FKBP4: variants seen among roughly 807,000 people sequenced by gnomAD.
The protein encoded by FKBP4 is peptidyl-prolyl cis-trans isomerase FKBP4.
A neutral mutation model predicts 54.1 loss-of-function variants in FKBP4; 28 were observed. The observed-to-expected ratio is 0.52, with a 90% CI of 0.38 to 0.71. The LOEUF (loss-of-function observed/expected upper bound fraction) is 0.71. Ranked by LOEUF, FKBP4 falls within the 30% of genes least tolerant of loss-of-function variation. The probability of loss-of-function intolerance (pLI) is 0.00; values close to 1 mark genes in which losing one functional copy is unlikely to be tolerated. For missense variants in FKBP4, 493 were observed against 574.4 expected (o/e 0.86, Z 1.45); for synonymous variants, 223 against 216.1 (o/e 1.03, Z -0.28).
chr12:2,802,726 TTC>T (rs1234478768), intron 9 of FKBP4, among the ~76,000 whole-genome samples: 1 of 152,090 alleles, frequency 6.6e-6, no homozygotes. Context: ...TATACAAGTG[TTC>T]TGTTTTGTTT....
At position 2,803,118 on chromosome 12, in the gene FKBP4, A is replaced by G. The variant is rs780505091; in HGVS notation, c.1273-33A>G. On this transcript the variant is annotated intron_variant, in intron 9 of 9. Transcript: ENST00000001008. Reference sequence around the variant, plus strand: ...TAAGTGTGTGTTTTTTCACTTGGGAAGTCAGCCCGTTTGCTGTTCATCTTC... The same window carrying G: ...TAAGTGTGTGTTTTTTCACTTGGGAGGTCAGCCCGTTTGCTGTTCATCTTC... 1.2e-5 allele frequency: 18 copies of G among 1,462,888 alleles called. 1 individual carries two copies. 90.6% of individuals were successfully genotyped at this position (1,462,888 alleles called of 1,614,324 possible). A position where few individuals can be genotyped will look rare whatever the true frequency, so the allele number is the denominator to read the frequency against.
chr12:2,795,153 A>T lies in FKBP4; in HGVS notation c.14A>T (p.Glu5Val). 1 of 1,309,978 alleles carries T rather than the reference A, an allele frequency of 7.6e-7. No individual in the cohort carries two copies. 81.1% of individuals were successfully genotyped at this position (1,309,978 alleles called of 1,614,324 possible). Residue 5 changes from glutamate to valine, a missense_variant, in exon 1 of 10, where the codon GAG (glutamate) becomes GTG (valine). Glu to Val is a moderately radical substitution (Grantham distance 121). Coordinates refer to ENST00000001008, the MANE Select transcript of FKBP4 (RefSeq NM_002014.4). This position sits in a 1 kb window ranked among gnomAD's most constrained non-coding sequence, Gnocchi z 4.3. ...CGCCGCGCGGAGATGACAGCCGAGG[A>T]GATGAAGGCGACCGAGAGCGGGGCG... is the stretch of plus-strand genomic sequence containing the variant. The part of the protein sequence containing the change: MTAE[E>V]MKATESGAQS...
Position 2,795,969 on chromosome 12 carries a change from T to C in FKBP4, c.105+725T>C. ...GCCTCCCGGAGCCAGGGCTGCGGGG[T>C]GTGGGGCGGGGAGGAGGCGCTCTGC... On this transcript the variant is annotated intron_variant, in intron 1 of 9. Transcript: ENST00000001008. The surrounding 1 kb of genome is among the most constrained non-coding windows in gnomAD (Gnocchi z 4.3). 3.7e-5 allele frequency: 39 copies of C among 1,061,934 alleles called. No individual in the cohort carries two copies. Among genetic ancestry groups the C allele is most frequent in the Non-Finnish European group, 4.5e-5 (39 of 873,388 alleles). The allele number at this position is 1,061,934 out of a possible 1,614,324, so 65.8% of individuals were successfully genotyped here. A position where few individuals can be genotyped will look rare whatever the true frequency, so the allele number is the denominator to read the frequency against.
intron 9 of FKBP4, 92 bp downstream of exon 9, chr12:2,801,448 T>C: frequency 6.4e-7 from 1 of 1,569,436 alleles, no homozygotes; most frequent in Admixed American, 1.7e-5. Flanking sequence ...TCTGTGCCAA[T>C]CCCGGAAACC....
At chr12:2,799,318 C>A in intron 5 of FKBP4, 74 bp downstream of exon 5, 4 of 1,423,292 alleles carry the variant, frequency 2.8e-6, no homozygotes, top group African/African-American at 1.4e-5. Flanking sequence ...ATTGTAGAAC[C>A]AGCTGTTTGT....
chr12:2,798,525 G>C lies in FKBP4; in HGVS notation c.394-181G>C, dbSNP rs1246186344. Among the ~76,000 whole-genome samples, 1 of 152,178 alleles carries C rather than the reference G, an allele frequency of 6.6e-6. No individual in the cohort carries two copies. The highest frequency in any genetic ancestry group is 1.5e-5 in the Non-Finnish European group (1 of 68,042). ...ATGTAGTCTGCCCACCTCTACCAAA[G>C]TTGAGATTAGGGCAGCTCCCAAGAA... On this transcript the variant is annotated intron_variant, in intron 3 of 9. Coordinates refer to ENST00000001008, the MANE Select transcript of FKBP4 (RefSeq NM_002014.4). This position sits in a 1 kb window ranked among gnomAD's most constrained non-coding sequence, Gnocchi z 4.3.
In FKBP4 at chr12:2,795,003, C is replaced by A; in HGVS notation, c.-137C>A. ...AGCTCTCGCGCCGCGTGCAGAGGTG[C>A]TCAAGCCTCCTCGCGGTCCGCAGTC... On this transcript the variant is annotated 5_prime_UTR_variant, in exon 1 of 10. Coordinates refer to ENST00000001008, the MANE Select transcript of FKBP4 (RefSeq NM_002014.4). This position sits in a 1 kb window ranked among gnomAD's most constrained non-coding sequence, Gnocchi z 4.3. 1 of 387,568 alleles carries A rather than the reference C, an allele frequency of 2.6e-6. No homozygotes were observed. Among genetic ancestry groups the A allele is most frequent in the Non-Finnish European group, 4.3e-6 (1 of 233,196 alleles). The allele number at this position is 387,568 out of a possible 1,614,324, so 24.0% of individuals were successfully genotyped here.
In FKBP4 at chr12:2,803,303, C is replaced by A. The variant is rs1803818; in HGVS notation, c.*45C>A. The stretch of plus-strand genomic sequence containing the variant: ...CTCCTGCGGCTGCCTGCCCCCCAGT[C>A]TCCCCACTCCACCCTGTTAGTTTTG... On this transcript the variant is annotated 3_prime_UTR_variant, in exon 10 of 10. Coordinates refer to ENST00000001008, the MANE Select transcript of FKBP4 (RefSeq NM_002014.4). The A allele has an allele frequency of 1.5e-6, 2 of 1,305,334 alleles. No homozygotes were observed. The highest frequency in any genetic ancestry group is 2.1e-6 in the Non-Finnish European group (2 of 931,292). The allele number at this position is 1,305,334 out of a possible 1,614,324, so 80.9% of individuals were successfully genotyped here.
In FKBP4 at chr12:2,795,439, C is replaced by T. The variant is rs1311057905; in HGVS notation, c.105+195C>T. ...GTTTAAGGCACCGAGGCCGGCCATGCGCTCGGCAGGGGGGCGGCCTAGGTG... is the reference window on the plus strand; with the variant it reads ...GTTTAAGGCACCGAGGCCGGCCATGTGCTCGGCAGGGGGGCGGCCTAGGTG... On this transcript the variant is annotated intron_variant, in intron 1 of 9. Coordinates refer to ENST00000001008, the MANE Select transcript of FKBP4 (RefSeq NM_002014.4). This position sits in a 1 kb window ranked among gnomAD's most constrained non-coding sequence, Gnocchi z 4.3. Among the ~76,000 whole-genome samples the T allele has an allele frequency of 6.8e-6, 1 of 147,614 alleles. No homozygotes were observed. Among genetic ancestry groups the T allele is most frequent in the Non-Finnish European group, 1.5e-5 (1 of 66,182 alleles).
chr12:2,801,592 TTA>T (rs1565398161), intron 9 of FKBP4: 6 of 622,668 alleles, frequency 9.6e-6, no homozygotes, highest in South Asian at 4.8e-5. Context: ...AATTCCCGAT[TTA>T]TGTTTTCTTG....
rs750276362 is a variant in FKBP4, at chr12:2,798,878, G to A, written c.514+52G>A. On this transcript the variant is annotated intron_variant, in intron 4 of 9. Coordinates refer to ENST00000001008, the MANE Select transcript of FKBP4 (RefSeq NM_002014.4). The surrounding 1 kb of genome is among the most constrained non-coding windows in gnomAD (Gnocchi z 4.3). Reference sequence around the variant, plus strand: ...ATTCTCATTCTGATATTTAGGCCTTGTGTGGCTTTGGGCAAGACACTTCCG... The same window carrying A: ...ATTCTCATTCTGATATTTAGGCCTTATGTGGCTTTGGGCAAGACACTTCCG... The A allele has an allele frequency of 1.9e-6, 3 of 1,594,332 alleles. No individual in the cohort carries two copies. Among genetic ancestry groups the A allele is most frequent in the Non-Finnish European group, 2.6e-6 (3 of 1,163,246 alleles).
At position 2,797,874 on chromosome 12, in the gene FKBP4, G is replaced by C; in HGVS notation, c.393+3G>C. The C allele has an allele frequency of 6.2e-7, 1 of 1,612,238 alleles. No homozygotes were observed. Among genetic ancestry groups the C allele is most frequent in the Non-Finnish European group, 8.5e-7 (1 of 1,178,752 alleles). On this transcript the variant is annotated splice_donor_region_variant and intron_variant, in intron 3 of 9. Transcript: ENST00000001008. ...CCAATGCCACGCTTGTATTTGAGGT[G>C]AGTGTTTGGTCACTGAGATCCAGGC... is the stretch of plus-strand genomic sequence containing the variant.
In FKBP4 at chr12:2,800,041, C is replaced by G. The variant is rs746057672; in HGVS notation, c.765C>G (p.Ala255=). 1.2e-5 allele frequency: 19 copies of G among 1,614,118 alleles called. No individual in the cohort carries two copies. The highest frequency in any genetic ancestry group is 1.5e-5 in the Non-Finnish European group (18 of 1,180,020). The change falls in exon 7 of 10, where the codon GCC becomes GCG. Residue 255 remains alanine (A), a splice_region_variant and synonymous_variant. Coordinates refer to ENST00000001008, the MANE Select transcript of FKBP4 (RefSeq NM_002014.4). ...GTTTCTCTCCTGGGGTGTGGCAGGC[C>G]AAGGAGTCTTGGGAGATGAATTCAG... The part of the protein sequence containing the change: ...YELHLKSFEK[A]KESWEMNSEE...
chr12:2,803,016 C>A, intron 9 of FKBP4, 135 bp from the exon 10 acceptor site: 1 of 635,614 alleles, frequency 1.6e-6, no homozygotes. Context: ...GCATAAGCCA[C>A]CAGGCTTGGC....
In FKBP4 at chr12:2,804,500, C is replaced by G. The variant is rs943289143; in HGVS notation, c.*1242C>G. The G allele has an allele frequency of 5.3e-5, 8 of 152,264 alleles. No individual in the cohort carries two copies. The highest frequency in any genetic ancestry group is 1.9e-4 in the African/African-American group (8 of 41,468). The allele number at this position is 152,264 out of a possible 1,614,324, so 9.4% of individuals were successfully genotyped here. On this transcript the variant is annotated 3_prime_UTR_variant, in exon 10 of 10. Coordinates refer to ENST00000001008, the MANE Select transcript of FKBP4 (RefSeq NM_002014.4). ...GGCTTGTGCTTTTTTTCTAACTATG[C>G]TTTGACCCTTAACTCCTATGGCATG...
At chr12:2,801,024 TCCTCCTGAGGGGTA>T in intron 8 of FKBP4, 79 bp from the exon 9 acceptor site, 1 of 1,534,806 alleles carries the variant, frequency 6.5e-7, no homozygotes, top group Non-Finnish European at 8.8e-7. Flanking sequence ...TTCCTCCTCA[TCCTCCTGAGGGGTA>T]CCTTTGGAAC....
rs749685904 is a variant in FKBP4, at chr12:2,801,179, C to T, written c.1095C>T (p.Ala365=). The T allele has an allele frequency of 1.1e-5, 18 of 1,613,600 alleles. No individual in the cohort carries two copies. Among genetic ancestry groups the T allele is most frequent in the South Asian group, 3.3e-5 (3 of 91,064 alleles). Residue 365 remains alanine (A), a synonymous_variant, in exon 9 of 10, where the codon GCC becomes GCT. Transcript: ENST00000001008. ...GLFRRGEAHL[A]VNDFELARAD... is the part of the protein sequence containing the mutation. Reference sequence around the variant, plus strand: ...TCCGCCGGGGAGAGGCCCACCTGGCCGTGAATGACTTTGAACTGGCACGGG... The same window carrying T: ...TCCGCCGGGGAGAGGCCCACCTGGCTGTGAATGACTTTGAACTGGCACGGG...
chr12:2,799,823 G>C, intron 5 of FKBP4, 27 bp from the exon 6 acceptor site: 1 of 1,598,160 alleles, frequency 6.3e-7, no homozygotes, highest in African/African-American at 1.3e-5. Flanking sequence ...TTGCCAAGAT[G>C]ATACATAGTG....
At chr12:2,801,600 T>C (rs1302770190) in intron 9 of FKBP4, 1 of 604,050 alleles carries the variant, frequency 1.7e-6, no homozygotes, top group Non-Finnish European at 3.0e-6. Context: ...ATTTATGTTT[T>C]CTTGTGGGCC....
Sources: gnomAD v4.1 joint callset for allele counts (sites outside exome capture counted in the v4.1 genomes callset) on GRCh38, gnomAD v4.1.1 for gene constraint, Gnocchi (gnomAD v3.1) non-coding constraint, MANE v1.5 for transcripts, NCBI Gene and HGNC (gene_info 2026-07-23, HGNC 2026-07-21) for gene names.